AGMO: variants seen among roughly 807,000 people sequenced by gnomAD.
AGMO encodes the protein alkylglycerol monooxygenase.
In AGMO, 75 loss-of-function variants were observed where a neutral mutation model predicts 60.2. That is an observed-to-expected ratio of 1.25 (90% CI 1.03 to 1.51). The LOEUF (loss-of-function observed/expected upper bound fraction) is 1.51. Among genes scored for constraint, AGMO ranks in the 40% most tolerant of loss-of-function variants. AGMO has a pLI of 0.00. For missense variants in AGMO, 763 were observed against 525.5 expected, an observed-to-expected ratio of 1.45 and a Z score of -4.42; for synonymous variants, 261 against 177.1, an observed-to-expected ratio of 1.47 and a Z score of -3.76.
chr7:15,285,178 T>C (rs1784067887), intron 12 of AGMO, among the ~76,000 whole-genome samples: 1 of 149,810 alleles, frequency 6.7e-6, no homozygotes, highest in South Asian at 2.1e-4. Context: ...AAGGCAAAGA[T>C]GTCCACTTTC....
the AGMO span, among the ~76,000 whole-genome samples, chr7:15,168,354 G>A: frequency 2.0e-5 from 3 of 152,158 alleles, no homozygotes; most frequent in Admixed American, 1.3e-4. Flanking sequence ...TAAAAAGGGC[G>A]GGGCTTTATA....
chr7:15,284,953 CATAA>C (rs1476730470), intron 12 of AGMO, among the ~76,000 whole-genome samples: 1 of 151,796 alleles, frequency 6.6e-6, no homozygotes, highest in Non-Finnish European at 1.5e-5. Flanking sequence ...TGATAAATCA[CATAA>C]ACAGAATTAA....
At chr7:15,244,656 T>C (rs146089711) in intron 12 of AGMO, among the ~76,000 whole-genome samples, 77 of 152,284 alleles carry the variant, frequency 5.1e-4, no homozygotes, top group Admixed American at 1.3e-3. Flanking sequence ...TTTGTTTGTT[T>C]TGTTTTTTTG....
intron 12 of AGMO, among the ~76,000 whole-genome samples, chr7:15,357,572 T>C (rs989897039): frequency 6.6e-6 from 1 of 152,206 alleles, no homozygotes; most frequent in Non-Finnish European, 1.5e-5. Context: ...CAATGGAATG[T>C]AGCAGAAATA....
At chr7:15,373,219 A>C (rs10215994) in intron 10 of AGMO, among the ~76,000 whole-genome samples, 1 of 151,634 alleles carries the variant, frequency 6.6e-6, no homozygotes, top group East Asian at 2.0e-4. Context: ...AGGTGGTTTC[A>C]GTGAGCTGAG....
intron 12 of AGMO, among the ~76,000 whole-genome samples, chr7:15,295,098 G>T (rs755424641): frequency 6.6e-6 from 1 of 151,678 alleles, no homozygotes; most frequent in South Asian, 2.1e-4. Context: ...AGGAGGAACA[G>T]TTAATAAAAA....
the AGMO span, among the ~76,000 whole-genome samples, chr7:15,118,529 C>A: frequency 6.6e-6 from 1 of 152,060 alleles, no homozygotes; most frequent in Non-Finnish European, 1.5e-5. Flanking sequence ...CAAAAAACAG[C>A]TTTCCTATCT....
chr7:15,280,256 GGAGCA>G (rs1783924409), intron 12 of AGMO, among the ~76,000 whole-genome samples: 2 of 152,184 alleles, frequency 1.3e-5, no homozygotes, highest in African/African-American at 4.8e-5. Flanking sequence ...TGCAGCTGGT[GGAGCA>G]GTGTGGGTGT....
At chr7:15,269,795 T>C (rs960306830) in intron 12 of AGMO, among the ~76,000 whole-genome samples, 1 of 152,028 alleles carries the variant, frequency 6.6e-6, no homozygotes, top group Non-Finnish European at 1.5e-5. Context: ...CAGTATCTAT[T>C]ATTTCCATCT....
intron 3 of AGMO, among the ~76,000 whole-genome samples, chr7:15,509,869 C>T (rs1201248785): frequency 6.6e-6 from 1 of 152,144 alleles, no homozygotes; most frequent in Non-Finnish European, 1.5e-5. Flanking sequence ...TATCACCTTA[C>T]ACTTGTTAGG....
intron 6 of AGMO, among the ~76,000 whole-genome samples, chr7:15,391,597 A>G (rs755337005): frequency 7.2e-5 from 11 of 152,200 alleles, no homozygotes; most frequent in Non-Finnish European, 1.5e-4. Context: ...CAAGAAGCTC[A>G]ACTATCCTGT....
chr7:15,446,915 G>A (rs1781712756), intron 3 of AGMO, among the ~76,000 whole-genome samples: 1 of 152,132 alleles, frequency 6.6e-6, no homozygotes, highest in Admixed American at 6.5e-5. Context: ...TGCTCTGCAG[G>A]ATATCACCTA....
chr7:15,418,661 A>T lies in AGMO; in HGVS notation c.514-8T>A, dbSNP rs756892343. 6 of 1,484,754 alleles carry T rather than the reference A, an allele frequency of 4.0e-6. No individual in the cohort carries two copies. In the Admixed American group the frequency reaches 8.9e-5, roughly 22 times the overall value. The allele number at this position is 1,484,754 out of a possible 1,614,324, so 92.0% of individuals were successfully genotyped here. On this transcript the variant is annotated splice_polypyrimidine_tract_variant and splice_region_variant and intron_variant, in intron 4 of 12. Transcript: ENST00000342526. Reference sequence around the variant, plus strand: ...CAGGGGAGAGTAGAAAATCTGAAAGAAAAAATTAAAAAAAAATTAATTTGC... The same window carrying T: ...CAGGGGAGAGTAGAAAATCTGAAAGTAAAAATTAAAAAAAAATTAATTTGC...
chr7:15,456,189 C>A (rs1781994463), intron 3 of AGMO, among the ~76,000 whole-genome samples: 1 of 152,044 alleles, frequency 6.6e-6, no homozygotes, highest in Non-Finnish European at 1.5e-5. Context: ...TATTTAATTT[C>A]TCAAACTTCA....
At chr7:15,522,228 T>C (rs182924930) in intron 3 of AGMO, among the ~76,000 whole-genome samples, 2 of 152,316 alleles carry the variant, frequency 1.3e-5, no homozygotes, top group Non-Finnish European at 2.9e-5. Flanking sequence ...AATTATTCCA[T>C]GCTCATGGAT....
At chr7:15,293,946 A>C (rs1784345068) in intron 12 of AGMO, among the ~76,000 whole-genome samples, 1 of 151,070 alleles carries the variant, frequency 6.6e-6, no homozygotes, top group Admixed American at 6.6e-5. Context: ...GTAAAGTTGA[A>C]TTTAACAGAA....
the AGMO span, among the ~76,000 whole-genome samples, chr7:15,124,530 C>G: frequency 1.3e-5 from 2 of 152,122 alleles, no homozygotes; most frequent in African/African-American, 4.8e-5. Context: ...TAAAGCTTCT[C>G]CTGCTTAAAT....
intron 3 of AGMO, among the ~76,000 whole-genome samples, chr7:15,532,101 G>A (rs1042441062): frequency 6.6e-6 from 1 of 152,140 alleles, no homozygotes; most frequent in Non-Finnish European, 1.5e-5. Context: ...GTGAAGCAGA[G>A]GAAGCATCAC....
intron 3 of AGMO, among the ~76,000 whole-genome samples, chr7:15,493,530 C>T (rs1344510666): frequency 4.6e-5 from 7 of 151,276 alleles, no homozygotes; most frequent in South Asian, 2.1e-4. Flanking sequence ...CCCGCCACCA[C>T]ACCCGGCTAA....
Sources: gnomAD v4.1 joint callset for allele counts (sites outside exome capture counted in the v4.1 genomes callset) on GRCh38, gnomAD v4.1.1 for gene constraint, MANE v1.5 for transcripts, NCBI Gene and HGNC (gene_info 2026-07-23, HGNC 2026-07-21) for gene names.